PID1: variants seen among roughly 807,000 people sequenced by gnomAD.
The protein encoded by PID1 is phosphotyrosine interaction domain containing 1, also known as PTB-containing, cubilin and LRP1-interacting protein.
A neutral mutation model predicts 19.1 loss-of-function variants in PID1; 10 were observed. The ratio of observed to expected loss-of-function variants is 0.52; its 90% confidence interval spans 0.32 to 0.89. PID1 has a LOEUF of 0.89. PID1 is among the 40% of genes least tolerant of loss of function. The pLI is 0.03. For missense variants in PID1, 248 were observed against 285.3 expected (o/e 0.87, Z 0.94); for synonymous variants, 130 against 116.0 (o/e 1.12, Z -0.78).
At chr2:229,180,083 G>C (rs900980406) in intron 1 of PID1, among the ~76,000 whole-genome samples, 1 of 152,132 alleles carries the variant, frequency 6.6e-6, no homozygotes, top group Admixed American at 6.6e-5. Context: ...TCGTATACAG[G>C]TCCCAAATCT....
intron 2 of PID1, among the ~76,000 whole-genome samples, chr2:229,058,370 T>C (rs965806957): frequency 2.0e-5 from 3 of 152,200 alleles, no homozygotes; most frequent in Admixed American, 2.0e-4. Flanking sequence ...TTTTGGTGTC[T>C]TGTCCTAGCT....
intron 2 of PID1, among the ~76,000 whole-genome samples, chr2:229,053,568 G>A (rs1349989971): frequency 2.6e-5 from 4 of 152,130 alleles, no homozygotes; most frequent in Admixed American, 2.6e-4. Context: ...TTCAAGGAAG[G>A]TCTCCCCCAG....
intron 2 of PID1, among the ~76,000 whole-genome samples, chr2:229,056,612 A>AATAT (rs200540998): frequency 2.3e-4 from 34 of 148,184 alleles, no homozygotes; most frequent in Non-Finnish European, 2.4e-4. Context: ...AAATAAAAAT[A>AATAT]ATATATATAT....
rs146956134 is a variant in PID1, at chr2:229,123,536, C to T, written c.177+32282G>A. 1.5e-4 allele frequency among the ~76,000 whole-genome samples: 23 copies of T among 152,286 alleles called. No individual in the cohort carries two copies. The East Asian group carries it at 4.2e-3, about 28-fold the overall frequency. ...TGTCTTCATTTGTCTTGGATATGTA[C>T]TCCTAGGAGTGGATTGCTGGGTGAT... On this transcript the variant is annotated intron_variant, in intron 2 of 2. Transcript: ENST00000392055.
intron 2 of PID1, among the ~76,000 whole-genome samples, 173 bp downstream of exon 2, chr2:229,155,645 A>G (rs1690354350): frequency 6.6e-6 from 1 of 152,172 alleles, no homozygotes; most frequent in Non-Finnish European, 1.5e-5. Context: ...GGTCATTTAG[A>G]AAAATAAAAC....
At chr2:229,232,430 T>C (rs1343890215) in intron 1 of PID1, among the ~76,000 whole-genome samples, 2 of 750 alleles carry the variant, frequency 2.7e-3, no homozygotes, top group South Asian at 0.031. Context: ...AGACTCCATC[T>C]CAAAAAAAAA....
At chr2:229,081,701 C>T (rs1694671909) in intron 2 of PID1, among the ~76,000 whole-genome samples, 1 of 152,178 alleles carries the variant, frequency 6.6e-6, no homozygotes, top group Non-Finnish European at 1.5e-5. Flanking sequence ...TTAGTTCCTT[C>T]CATTAAAGGT....
chr2:229,028,914 A>G (rs1451163780), intron 2 of PID1, among the ~76,000 whole-genome samples: 1 of 152,220 alleles, frequency 6.6e-6, no homozygotes, highest in Non-Finnish European at 1.5e-5. Flanking sequence ...GGCTATTATC[A>G]GTTCTACTAA....
intron 2 of PID1, among the ~76,000 whole-genome samples, chr2:229,141,602 C>G (rs893796210): frequency 6.6e-6 from 1 of 151,822 alleles, no homozygotes; most frequent in South Asian, 2.1e-4. Flanking sequence ...ATAAGTGTCA[C>G]GAAAACAACT....
chr2:229,090,826 T>C (rs886496737), intron 2 of PID1, among the ~76,000 whole-genome samples: 2 of 152,236 alleles, frequency 1.3e-5, no homozygotes, highest in African/African-American at 4.8e-5. Context: ...ACATGTACTA[T>C]GTGCCAGGCA....
At chr2:229,204,907 A>C (rs560766522) in intron 1 of PID1, among the ~76,000 whole-genome samples, 6 of 152,234 alleles carry the variant, frequency 3.9e-5, no homozygotes, top group Non-Finnish European at 7.4e-5. Context: ...TATGGTGTGA[A>C]ACTTCTCAGA....
At chr2:229,120,319 G>A (rs938761792) in intron 2 of PID1, among the ~76,000 whole-genome samples, 23 of 151,962 alleles carry the variant, frequency 1.5e-4, no homozygotes, top group Admixed American at 4.6e-4. Flanking sequence ...TTTTGTATAC[G>A]TATTTCATTC....
intron 1 of PID1, among the ~76,000 whole-genome samples, chr2:229,183,308 A>T (rs4973174): frequency 6.6e-6 from 1 of 152,168 alleles, no homozygotes; most frequent in Non-Finnish European, 1.5e-5. Context: ...ACACCTGGAT[A>T]TGGGACTTCC....
chr2:229,256,863 A>G (rs1263906212), intron 1 of PID1, among the ~76,000 whole-genome samples: 2 of 152,182 alleles, frequency 1.3e-5, no homozygotes, highest in Non-Finnish European at 2.9e-5. Context: ...GTGTTATAAT[A>G]TTATCCTTAT....
At chr2:229,112,851 T>G (rs567055150) in intron 2 of PID1, among the ~76,000 whole-genome samples, 2 of 152,096 alleles carry the variant, frequency 1.3e-5, no homozygotes, top group African/African-American at 4.8e-5. Context: ...TGATGGGGAA[T>G]GACAAAACCC....
At chr2:229,213,008 G>T (rs1574726885) in intron 1 of PID1, among the ~76,000 whole-genome samples, 1 of 152,000 alleles carries the variant, frequency 6.6e-6, no homozygotes, top group African/African-American at 2.4e-5. Flanking sequence ...GCTAGAGGAA[G>T]GGGTTAAAAA....
At chr2:229,202,584 T>C (rs751270322) in intron 1 of PID1, among the ~76,000 whole-genome samples, 1 of 152,058 alleles carries the variant, frequency 6.6e-6, no homozygotes. Flanking sequence ...TACTTTCAGA[T>C]TCCACCATAC....
chr2:229,199,591 A>G (rs1279438068), intron 1 of PID1, among the ~76,000 whole-genome samples: 1 of 151,850 alleles, frequency 6.6e-6, no homozygotes, highest in Non-Finnish European at 1.5e-5. Context: ...GAATTAGAGG[A>G]TATTTCCTTA....
At chr2:229,083,393 A>C (rs1473309458) in intron 2 of PID1, among the ~76,000 whole-genome samples, 1 of 152,074 alleles carries the variant, frequency 6.6e-6, no homozygotes, top group African/African-American at 2.4e-5. Context: ...CATTAAAAGA[A>C]TTTTTTTTAA....
Sources: gnomAD v4.1 joint callset for allele counts (sites outside exome capture counted in the v4.1 genomes callset) on GRCh38, gnomAD v4.1.1 for gene constraint, MANE v1.5 for transcripts, NCBI Gene and HGNC (gene_info 2026-07-23, HGNC 2026-07-21) for gene names.